Variants in MAD1L1 observed in about 807,000 individuals in gnomAD.
MAD1L1 encodes mitotic spindle assembly checkpoint protein MAD1.
A neutral mutation model predicts 96.9 loss-of-function variants in MAD1L1; 95 were observed. The ratio of observed to expected loss-of-function variants is 0.98; its 90% CI spans 0.83 to 1.16. The LOEUF is 1.16. Among genes scored for constraint, MAD1L1 ranks in the 50% most tolerant of loss-of-function variants. The probability of loss-of-function intolerance (pLI) is 0.00; values close to 1 mark genes in which losing one functional copy is unlikely to be tolerated. For missense variants in MAD1L1, 1,007 were observed against 954.4 expected, an observed-to-expected ratio of 1.06 and a Z score of -0.73; for synonymous variants, 473 against 396.6, an observed-to-expected ratio of 1.19 and a Z score of -2.29.
intron 3 of MAD1L1, 153 bp from the exon 4 acceptor site, chr7:2,225,703 G>A: frequency 1.3e-6 from 1 of 778,514 alleles, no homozygotes; most frequent in East Asian, 2.7e-5. Flanking sequence ...CTCCAGGCTG[G>A]GGAACAGGGG....
At chr7:2,099,693 G>A (rs1034119652) in intron 11 of MAD1L1, among the ~76,000 whole-genome samples, 3 of 152,206 alleles carry the variant, frequency 2.0e-5, no homozygotes, top group Non-Finnish European at 4.4e-5. Context: ...ACGTGGTTCA[G>A]AAGAGGTACT....
chr7:2,089,863 G>A (rs1786118904), intron 11 of MAD1L1, among the ~76,000 whole-genome samples: 1 of 152,180 alleles, frequency 6.6e-6, no homozygotes, highest in African/African-American at 2.4e-5. Context: ...CTTAATTAAG[G>A]CCAGGCTAAC....
At chr7:2,201,468 T>G (rs1401992482) in intron 10 of MAD1L1, among the ~76,000 whole-genome samples, 1 of 152,112 alleles carries the variant, frequency 6.6e-6, no homozygotes, top group African/African-American at 2.4e-5. Context: ...TAAGCACCCA[T>G]GAGTAAAAAC....
chr7:2,138,648 C>A (rs1340715015), intron 11 of MAD1L1, among the ~76,000 whole-genome samples: 1 of 152,190 alleles, frequency 6.6e-6, no homozygotes, highest in Non-Finnish European at 1.5e-5. Flanking sequence ...GCACCTCACT[C>A]TGAGAACCCC....
chr7:2,120,782 G>A (rs977191520), intron 11 of MAD1L1, among the ~76,000 whole-genome samples: 1 of 152,242 alleles, frequency 6.6e-6, no homozygotes, highest in Non-Finnish European at 1.5e-5. Context: ...GAGGCAGCCT[G>A]CGAGCCCCCA....
chr7:2,144,844 G>A (rs2128577378), intron 11 of MAD1L1, among the ~76,000 whole-genome samples: 1 of 152,270 alleles, frequency 6.6e-6, no homozygotes. Flanking sequence ...CGAGGCTTGA[G>A]CGTAAACCAG....
At chr7:1,847,599 G>C (rs1783707851) in intron 18 of MAD1L1, 2 of 470,994 alleles carry the variant, frequency 4.2e-6, no homozygotes, top group African/African-American at 2.0e-5. Flanking sequence ...GATGCACACA[G>C]CATGGAGATC....
chr7:2,221,080 G>T (rs1639917), intron 5 of MAD1L1: 1,005,799 of 1,563,586 alleles, frequency 0.64, 326,536 homozygotes, highest in African/African-American at 0.83. Flanking sequence ...CCTGAGGAGC[G>T]GCCACCTCGG....
chr7:2,143,221 T>C (rs1355587004), intron 11 of MAD1L1, among the ~76,000 whole-genome samples: 1 of 151,614 alleles, frequency 6.6e-6, no homozygotes, highest in Non-Finnish European at 1.5e-5. Context: ...GAGCCACTCC[T>C]GGTAGAGCCA....
At chr7:1,824,277 G>A (rs1418451333) in intron 18 of MAD1L1, among the ~76,000 whole-genome samples, 5 of 152,140 alleles carry the variant, frequency 3.3e-5, no homozygotes, top group African/African-American at 4.8e-5. Flanking sequence ...GGGGGCTTTC[G>A]CACCCACCAG....
chr7:1,878,731 TC>T (rs35603667), intron 18 of MAD1L1, among the ~76,000 whole-genome samples: 15,505 of 128,354 alleles, frequency 0.12, 1,566 homozygotes, highest in African/African-American at 0.29. Context: ...GGTAAAAATG[TC>T]CCCCCCCCCC....
chr7:1,834,286 G>A (rs1422008815), intron 18 of MAD1L1, among the ~76,000 whole-genome samples: 1 of 151,966 alleles, frequency 6.6e-6, no homozygotes, highest in Non-Finnish European at 1.5e-5. Flanking sequence ...GGGCAAATTA[G>A]ACAAAGTAAG....
intron 10 of MAD1L1, among the ~76,000 whole-genome samples, chr7:2,152,853 G>A (rs1241732529): frequency 6.6e-6 from 1 of 152,182 alleles, no homozygotes; most frequent in Non-Finnish European, 1.5e-5. Flanking sequence ...TTTCACACTG[G>A]CATTGGGAGG....
intron 16 of MAD1L1, among the ~76,000 whole-genome samples, chr7:1,954,741 C>G (rs1308659791): frequency 2.0e-5 from 3 of 152,208 alleles, no homozygotes; most frequent in African/African-American, 4.8e-5. Flanking sequence ...CACACGCAGG[C>G]TCCCTGTGGG....
intron 11 of MAD1L1, among the ~76,000 whole-genome samples, chr7:2,072,264 G>A (rs1339161828): frequency 6.6e-6 from 1 of 152,186 alleles, no homozygotes; most frequent in Non-Finnish European, 1.5e-5. Context: ...TGCTTGGTGG[G>A]TGGGGAAACA....
rs77231637 is a variant in MAD1L1, at chr7:2,096,462, C to A, written c.1074-27124G>T. On this transcript the variant is annotated intron_variant, in intron 11 of 18. Coordinates refer to ENST00000265854, the MANE Select transcript of MAD1L1 (RefSeq NM_001013836.2). Reference sequence around the variant, plus strand: ...CTCTCAAAAGCCAGGTCTCCTCCTACGCTGCTTTTCCACAGAGCTTTGAAT... The same window carrying A: ...CTCTCAAAAGCCAGGTCTCCTCCTAAGCTGCTTTTCCACAGAGCTTTGAAT... 3.1e-3 allele frequency among the ~76,000 whole-genome samples: 469 copies of A among 152,268 alleles called. 20 individuals are homozygous for A. In the East Asian group the frequency reaches 0.086, roughly 28 times the overall value.
At chr7:2,001,960 C>T in intron 14 of MAD1L1, 105 bp downstream of exon 14, 4 of 1,182,140 alleles carry the variant, frequency 3.4e-6, no homozygotes, top group South Asian at 2.5e-5. Context: ...GAAGAGGCAG[C>T]CATGCACTGG....
At chr7:1,837,393 T>G (rs1583506982) in intron 18 of MAD1L1, among the ~76,000 whole-genome samples, 1 of 152,352 alleles carries the variant, frequency 6.6e-6, no homozygotes, top group East Asian at 1.9e-4. Flanking sequence ...GAAAACAGCT[T>G]GGCAACTTCT....
chr7:1,986,270 T>G (rs1781134817), intron 14 of MAD1L1, among the ~76,000 whole-genome samples: 1 of 130,186 alleles, frequency 7.7e-6, no homozygotes, highest in South Asian at 2.4e-4. Context: ...TTCAAGTACG[T>G]GTGATGCACC....
Sources: allele counts gnomAD v4.1 joint callset (sites outside exome capture counted in the v4.1 genomes callset), GRCh38; gene constraint gnomAD v4.1.1; transcripts MANE v1.5; gene names NCBI Gene and HGNC (gene_info 2026-07-23, HGNC 2026-07-21).